TMEM236: variants seen among roughly 807,000 people sequenced by gnomAD.
The protein encoded by TMEM236 is transmembrane protein 236, also known as family with sequence similarity 23, member A.
TMEM236 carries 11 observed loss-of-function variants against 14.7 expected under a neutral mutation model. That is an observed-to-expected ratio of 0.75 (90% confidence interval 0.47 to 1.24). TMEM236 has a LOEUF of 1.24. Ranked by LOEUF, TMEM236 falls within the 50% of genes most tolerant of loss-of-function variation. The probability of loss-of-function intolerance (pLI) is 0.00; values close to 1 mark genes in which losing one functional copy is unlikely to be tolerated. For synonymous variants in TMEM236, 182 were observed against 168.6 expected, an observed-to-expected ratio of 1.08 and a Z score of -0.62; for missense variants, 464 against 427.3, an observed-to-expected ratio of 1.09 and a Z score of -0.76.
At chr10:17,760,627 C>G (rs1359871439) in intron 1 of TMEM236, among the ~76,000 whole-genome samples, 3 of 152,148 alleles carry the variant, frequency 2.0e-5, no homozygotes, top group Non-Finnish European at 4.4e-5. Flanking sequence ...CTTTATCTTC[C>G]TTGCCCTACT....
chr10:17,771,169 T>C (rs1281092633), intron 1 of TMEM236, 140 bp from the exon 2 acceptor site: 1 of 785,316 alleles, frequency 1.3e-6, no homozygotes, highest in Non-Finnish European at 2.2e-6. Flanking sequence ...TGCAAACATT[T>C]GGGAAATGGA....
chr10:17,780,966 A>G (rs952870508), intron 3 of TMEM236, among the ~76,000 whole-genome samples: 2 of 152,150 alleles, frequency 1.3e-5, no homozygotes, highest in African/African-American at 2.4e-5. Context: ...GCACCCAGAA[A>G]AGGCTGGTCA....
chr10:17,785,747 G>A (rs896441875), intron 3 of TMEM236, among the ~76,000 whole-genome samples: 2 of 152,066 alleles, frequency 1.3e-5, no homozygotes, highest in African/African-American at 4.8e-5. Context: ...GACCAACCGG[G>A]GGGGGATATT....
At chr10:17,795,376 C>T (rs1837994710) in intron 3 of TMEM236, among the ~76,000 whole-genome samples, 1 of 152,170 alleles carries the variant, frequency 6.6e-6, no homozygotes, top group Admixed American at 6.5e-5. Context: ...AAGCCCGTTT[C>T]CATAGTTGTA....
chr10:17,791,492 C>A (rs2131766584), intron 3 of TMEM236, among the ~76,000 whole-genome samples: 1 of 152,048 alleles, frequency 6.6e-6, no homozygotes, highest in Admixed American at 6.6e-5. Flanking sequence ...ATGGGAAAAC[C>A]ATAGGGTTTT....
At chr10:17,779,878 TG>T (rs1287367413) in intron 3 of TMEM236, among the ~76,000 whole-genome samples, 1 of 152,188 alleles carries the variant, frequency 6.6e-6, no homozygotes, top group East Asian at 1.9e-4. Flanking sequence ...CTGCTCTAAA[TG>T]CTGTTGGTGC....
chr10:17,774,665 C>T (rs1223551558), intron 2 of TMEM236, among the ~76,000 whole-genome samples: 1 of 152,262 alleles, frequency 6.6e-6, no homozygotes, highest in South Asian at 2.1e-4. Context: ...TCCAGAATTT[C>T]CTGCCTTTTT....
chr10:17,752,543 T>A lies in TMEM236; in HGVS notation c.248T>A (p.Ile83Asn), dbSNP rs1167729587. The change falls in exon 1 of 4, where the codon ATT (isoleucine) becomes AAT (asparagine). Residue 83 changes from isoleucine (I) to asparagine (N), a missense_variant. Ile to Asn is a moderately radical substitution (Grantham distance 149). Transcript: ENST00000377495. ...LHKKRYIYRK[I>N]KGWRPVLMMC... ...AAGAAACGTTATATTTACAGAAAAA[T>A]TAAAGGATGGTAAGTAAAAGAATTT... 1 of 1,613,738 alleles carries A rather than the reference T, an allele frequency of 6.2e-7. No homozygotes were observed. The highest frequency in any genetic ancestry group is 2.2e-5 in the East Asian group (1 of 44,882).
chr10:17,789,823 C>T (rs185323203), intron 3 of TMEM236, among the ~76,000 whole-genome samples: 46,420 of 151,666 alleles, frequency 0.31, 7,351 homozygotes, highest in Middle Eastern at 0.41. Flanking sequence ...AGATTGAGAC[C>T]ATCCTGGCTA....
At chr10:17,765,921 C>T (rs1837455208) in intron 1 of TMEM236, among the ~76,000 whole-genome samples, 1 of 152,222 alleles carries the variant, frequency 6.6e-6, no homozygotes, top group Non-Finnish European at 1.5e-5. Flanking sequence ...ATAGCTCCAT[C>T]AACCCATTTT....
chr10:17,776,969 G>A (rs1211224901), intron 3 of TMEM236, among the ~76,000 whole-genome samples: 3 of 152,132 alleles, frequency 2.0e-5, no homozygotes, highest in Admixed American at 6.5e-5. Flanking sequence ...ATATTTGTAT[G>A]CTAGTTACTG....
chr10:17,791,621 A>G (rs2131766704), intron 3 of TMEM236, among the ~76,000 whole-genome samples: 1 of 152,266 alleles, frequency 6.6e-6, no homozygotes, highest in South Asian at 2.1e-4. Flanking sequence ...CCTCTCACCA[A>G]ACTCCTTTCT....
At position 17,796,879 on chromosome 10, in the gene TMEM236, C is replaced by T. The variant is rs1838025035; in HGVS notation, c.*375C>T. 3.6e-6 allele frequency: 1 copy of T among 274,580 alleles called. No homozygotes were observed. Among genetic ancestry groups the T allele is most frequent in the African/African-American group, 2.3e-5 (1 of 43,896 alleles). The allele number at this position is 274,580 out of a possible 1,614,324, so 17.0% of individuals were successfully genotyped here. A position where few individuals can be genotyped will look rare whatever the true frequency, so the allele number is the denominator to read the frequency against. ...CAAACTGAGCGTTCCCGCCTGCATT[C>T]CGCCTCCTGTCAGATCAGCAGCAGC... On this transcript the variant is annotated 3_prime_UTR_variant, in exon 4 of 4. Transcript: ENST00000377495.
chr10:17,776,044 A>G lies in TMEM236; in HGVS notation c.346A>G (p.Asn116Asp). The stretch of plus-strand genomic sequence containing the variant: ...CTCTAAACAGGTTCAAAAGAGCATT[A>G]ATGGGTCCGCTGATGTCTTACCTGA... ...IAVTEVQKSINGSADVLPDML... is the reference protein window; with the variant it reads ...IAVTEVQKSIDGSADVLPDML... The change falls in exon 3 of 4, where the codon AAT becomes GAT. Residue 116 changes from asparagine to aspartate, a missense_variant. Coordinates refer to ENST00000377495, the MANE Select transcript of TMEM236 (RefSeq NM_001098844.3). The G allele has an allele frequency of 6.2e-7, 1 of 1,613,890 alleles. No individual in the cohort carries two copies. Among genetic ancestry groups the G allele is most frequent in the Non-Finnish European group, 8.5e-7 (1 of 1,179,824 alleles).
intron 1 of TMEM236, among the ~76,000 whole-genome samples, chr10:17,762,905 G>A (rs898666093): frequency 6.7e-6 from 1 of 149,016 alleles, no homozygotes; most frequent in East Asian, 2.0e-4. Flanking sequence ...CATCTGCCTC[G>A]GCCTCCCAAA....
rs1300373102 is a variant in TMEM236 at position 17,800,239 on chromosome 10, A to T, written c.*3735A>T. ...AGATTGAGACTCTGTCTCAAAAAAAAAAAAAAGTCAAGTACAGTTAGTTAA... is the reference window on the plus strand; with the variant it reads ...AGATTGAGACTCTGTCTCAAAAAAATAAAAAAGTCAAGTACAGTTAGTTAA... On this transcript the variant is annotated 3_prime_UTR_variant, in exon 4 of 4. Coordinates refer to ENST00000377495, the MANE Select transcript of TMEM236 (RefSeq NM_001098844.3). 3 of 151,782 alleles carry T rather than the reference A, an allele frequency of 2.0e-5. No homozygotes were observed. Among genetic ancestry groups the T allele is most frequent in the Admixed American group, 2.0e-4 (3 of 15,234 alleles). The allele number at this position is 151,782 out of a possible 1,614,324, so 9.4% of individuals were successfully genotyped here.
At chr10:17,754,154 A>G (rs1362468691) in intron 1 of TMEM236, among the ~76,000 whole-genome samples, 3 of 152,196 alleles carry the variant, frequency 2.0e-5, no homozygotes, top group East Asian at 1.9e-4. Flanking sequence ...TATCGGAGTG[A>G]GCTTACACAA....
chr10:17,756,575 C>G (rs1837288127), intron 1 of TMEM236, among the ~76,000 whole-genome samples: 1 of 152,184 alleles, frequency 6.6e-6, no homozygotes, highest in South Asian at 2.1e-4. Context: ...GGATTACGGG[C>G]ATGAACCACT....
intron 1 of TMEM236, among the ~76,000 whole-genome samples, chr10:17,767,943 T>G (rs1221256737): frequency 6.7e-6 from 1 of 150,068 alleles, no homozygotes; most frequent in African/African-American, 2.5e-5. Context: ...AGTGTCTCGC[T>G]CTGTCACCCA....
Sources: gnomAD v4.1 joint callset for allele counts (sites outside exome capture counted in the v4.1 genomes callset) on GRCh38, gnomAD v4.1.1 for gene constraint, MANE v1.5 for transcripts, NCBI Gene and HGNC (gene_info 2026-07-23, HGNC 2026-07-21) for gene names.